CAPN3: variants seen among roughly 807,000 people sequenced by gnomAD.
The protein encoded by CAPN3 is calpain 3.
Under a neutral mutation model 114.0 loss-of-function variants are expected in CAPN3, and 88 were observed. The ratio of observed to expected loss-of-function variants is 0.77; its 90% CI spans 0.65 to 0.92. CAPN3 has a LOEUF of 0.92. Ranked by LOEUF, CAPN3 falls within the 40% of genes least tolerant of loss-of-function variation. The pLI is 0.00. For synonymous variants in CAPN3, 386 were observed against 382.9 expected (o/e 1.01, Z -0.09); for missense variants, 1,028 against 1,069.0 (o/e 0.96, Z 0.53).
intron 6 of CAPN3, among the ~76,000 whole-genome samples, 158 bp from the exon 7 acceptor site, chr15:42,392,481 A>G (rs2053582272): frequency 6.6e-6 from 1 of 152,192 alleles, no homozygotes; most frequent in Admixed American, 6.5e-5. Context: ...TTAAAGGGCC[A>G]CTGAAGGTCC....
chr15:42,368,743 T>G (rs2052853494), intron 1 of CAPN3, among the ~76,000 whole-genome samples: 1 of 152,184 alleles, frequency 6.6e-6, no homozygotes, highest in Non-Finnish European at 1.5e-5. Context: ...ATATTACAGC[T>G]TGAAACAATG....
At chr15:42,370,267 T>G (rs1595803816) in intron 1 of CAPN3, among the ~76,000 whole-genome samples, 1 of 152,144 alleles carries the variant, frequency 6.6e-6, no homozygotes, top group East Asian at 1.9e-4. Flanking sequence ...CCTCTAAAAT[T>G]AATACTGACT....
chr15:42,409,405 C>T lies in CAPN3; in HGVS notation c.1992+25C>T, dbSNP rs369987968. ...TGTGAGTACCTCCAAGCCCAGGACG[C>T]CCACAGGTGCTTCCTTCTCTCCTGG... On this transcript the variant is annotated intron_variant, in intron 17 of 23. Transcript: ENST00000397163. The T allele has an allele frequency of 3.8e-6, 6 of 1,589,616 alleles. No homozygotes were observed. The Admixed American group carries it at 6.7e-5, about 18-fold the overall frequency.
intron 6 of CAPN3, among the ~76,000 whole-genome samples, chr15:42,391,588 C>G (rs928824780): frequency 6.6e-6 from 1 of 152,132 alleles, no homozygotes; most frequent in African/African-American, 2.4e-5. Context: ...AGCAAGGCTC[C>G]GGGAAGCTCC....
chr15:42,399,877 T>TA (rs2053817920), intron 10 of CAPN3, among the ~76,000 whole-genome samples: 1 of 152,210 alleles, frequency 6.6e-6, no homozygotes, highest in African/African-American at 2.4e-5. Flanking sequence ...CTGCTTGACT[T>TA]ACGATGAGGT....
At chr15:42,380,751 A>ATATATATATATATATATATT (rs1436943739) in intron 1 of CAPN3, among the ~76,000 whole-genome samples, 2 of 64,486 alleles carry the variant, frequency 3.1e-5, no homozygotes, top group African/African-American at 1.8e-4. Context: ...ATATATATAT[A>ATATATATATATATATATATT]TTTTTTTTTT....
intron 1 of CAPN3, among the ~76,000 whole-genome samples, chr15:42,382,226 G>C (rs1484395235): frequency 6.7e-6 from 1 of 148,246 alleles, no homozygotes; most frequent in South Asian, 2.1e-4. Context: ...TTTTTTCTTT[G>C]AATCCCAGTA....
chr15:42,404,912 T>A, intron 14 of CAPN3: 1 of 1,011,440 alleles, frequency 9.9e-7, no homozygotes, highest in Non-Finnish European at 1.2e-6. Flanking sequence ...GCAGTATTGA[T>A]CAGGACCTGC....
chr15:42,369,517 A>T (rs2052879633), intron 1 of CAPN3, among the ~76,000 whole-genome samples: 2 of 152,158 alleles, frequency 1.3e-5, no homozygotes, highest in Admixed American at 1.3e-4. Context: ...AGAAAAAAAA[A>T]AGAATGTGAT....
intron 2 of CAPN3, among the ~76,000 whole-genome samples, 153 bp downstream of exon 2, chr15:42,384,705 A>C (rs1424515043): frequency 1.3e-5 from 2 of 152,250 alleles, no homozygotes; most frequent in African/African-American, 4.8e-5. Context: ...TCGTTTATCT[A>C]CATGCTGGCG....
In CAPN3 at chr15:42,388,920, T is replaced by C. The variant is rs1595822560; in HGVS notation, c.633-8T>C. The stretch of plus-strand genomic sequence containing the variant: ...TGACCCCAAATTGGTCTTCATCCTC[T>C]CTCTAAGGCTCCATGGTTCCTACGA... On this transcript the variant is annotated splice_polypyrimidine_tract_variant and splice_region_variant and intron_variant, in intron 4 of 23. Transcript: ENST00000397163. 4 of 1,613,734 alleles carry C rather than the reference T, an allele frequency of 2.5e-6. No homozygotes were observed. In the South Asian group the frequency reaches 4.4e-5, roughly 18 times the overall value.
intron 6 of CAPN3, among the ~76,000 whole-genome samples, chr15:42,391,838 G>C (rs1199954717): frequency 6.6e-6 from 1 of 152,154 alleles, no homozygotes; most frequent in Non-Finnish European, 1.5e-5. Flanking sequence ...TTATGTTCCA[G>C]GTGGGTGTGG....
At chr15:42,409,578 T>G (rs891068437) in intron 17 of CAPN3, among the ~76,000 whole-genome samples, 198 bp downstream of exon 17, 5 of 152,178 alleles carry the variant, frequency 3.3e-5, no homozygotes, top group African/African-American at 9.7e-5. Context: ...CTCAGAGGCC[T>G]TTTTGCTCTG....
chr15:42,382,559 G>A (rs1220201852), intron 1 of CAPN3, among the ~76,000 whole-genome samples: 1 of 152,006 alleles, frequency 6.6e-6, no homozygotes, highest in African/African-American at 2.4e-5. Context: ...TGTAGAGACG[G>A]GGTCTCACTA....
chr15:42,360,432 A>T (rs950758868), intron 1 of CAPN3, among the ~76,000 whole-genome samples: 1 of 152,154 alleles, frequency 6.6e-6, no homozygotes, highest in Non-Finnish European at 1.5e-5. Context: ...CATCCTGTAA[A>T]AATAAATATT....
At chr15:42,385,545 G>A (rs1046466640) in intron 2 of CAPN3, 1 of 409,368 alleles carries the variant, frequency 2.4e-6, no homozygotes, top group Non-Finnish European at 4.9e-6. Flanking sequence ...GAGAGAGAGA[G>A]AGAGAGAGAG....
At chr15:42,385,898 T>A (rs752920449) in intron 2 of CAPN3, 2 of 673,082 alleles carry the variant, frequency 3.0e-6, no homozygotes, top group Non-Finnish European at 5.6e-6. Context: ...GGAAGTGAGT[T>A]TATACTGCAG....
At chr15:42,405,396 C>T (rs28745881) in intron 14 of CAPN3, among the ~76,000 whole-genome samples, 1,661 of 152,216 alleles carry the variant, frequency 0.011, 34 homozygotes, top group African/African-American at 0.037. Context: ...CTGCAACCTC[C>T]GCCTCCCGGG....
At chr15:42,370,561 A>G (rs559407503) in intron 1 of CAPN3, among the ~76,000 whole-genome samples, 1 of 152,218 alleles carries the variant, frequency 6.6e-6, no homozygotes, top group East Asian at 1.9e-4. Flanking sequence ...CTTCTGTCAG[A>G]CAGTTTACAG....
Sources: allele counts gnomAD v4.1 joint callset (sites outside exome capture counted in the v4.1 genomes callset), GRCh38; gene constraint gnomAD v4.1.1; transcripts MANE v1.5; gene names NCBI Gene and HGNC (gene_info 2026-07-23, HGNC 2026-07-21).